ANKHD1: variants seen among roughly 807,000 people sequenced by gnomAD.
ANKHD1 encodes the protein ankyrin repeat and KH domain-containing protein 1.
A neutral mutation model predicts 230.5 loss-of-function variants in ANKHD1; 31 were observed. The observed-to-expected ratio is 0.13, with a 90% CI of 0.10 to 0.18. The LOEUF (loss-of-function observed/expected upper bound fraction) is 0.18. ANKHD1 is among the 10% of genes least tolerant of loss of function. The pLI is 1.00. For missense variants in ANKHD1, 2,256 were observed against 3,071.3 expected (o/e 0.73, Z 6.27); for synonymous variants, 1,074 against 1,117.6 (o/e 0.96, Z 0.78).
At chr5:140,492,200 T>G (rs1054914112) in intron 14 of ANKHD1, among the ~76,000 whole-genome samples, 7 of 152,206 alleles carry the variant, frequency 4.6e-5, no homozygotes, top group Non-Finnish European at 1.0e-4. Flanking sequence ...ATAATATTCT[T>G]TAGTCACTTT....
At chr5:140,411,403 T>C (rs549178019) in intron 1 of ANKHD1, among the ~76,000 whole-genome samples, 182 of 152,332 alleles carry the variant, frequency 1.2e-3, no homozygotes, top group Middle Eastern at 6.8e-3. Flanking sequence ...TAACTTTCTT[T>C]TGATGCATTA....
Position 140,436,287 on chromosome 5 carries a change from T to C in ANKHD1, c.460+30T>C, listed in dbSNP as rs1251995518. 6 of 1,496,630 alleles carry C rather than the reference T, an allele frequency of 4.0e-6. No individual in the cohort carries two copies. The South Asian group carries it at 5.6e-5, about 14-fold the overall frequency. The allele number at this position is 1,496,630 out of a possible 1,614,324, so 92.7% of individuals were successfully genotyped here. A position where few individuals can be genotyped will look rare whatever the true frequency, so the allele number is the denominator to read the frequency against. On this transcript the variant is annotated intron_variant, in intron 2 of 33. Transcript: ENST00000360839. ...TTTATTTTTTGTTTTATCTTTTTCA[T>C]ATCTTTAAAAGTCTAGATCTCTTTA...
In ANKHD1 at chr5:140,459,270, T is replaced by C. The variant is rs1253513801; in HGVS notation, c.1587T>C (p.Ala529=). 1 of 1,603,878 alleles carries C rather than the reference T, an allele frequency of 6.2e-7. No individual in the cohort carries two copies. The highest frequency in any genetic ancestry group is 1.1e-5 in the South Asian group (1 of 90,134). ...EVADFLIKAG[A]DIELGCSTPL... Reference sequence around the variant, plus strand: ...CAGACTTTCTTATTAAGGCAGGGGCTGATATAGAACTTGGCTGCTCCACAC... The same window carrying C: ...CAGACTTTCTTATTAAGGCAGGGGCCGATATAGAACTTGGCTGCTCCACAC... The change falls in exon 9 of 34, where the codon GCT becomes GCC. Residue 529 remains alanine (A), a synonymous_variant. Coordinates refer to ENST00000360839, the MANE Select transcript of ANKHD1 (RefSeq NM_017747.3).
At chr5:140,452,527 A>G (rs1388004580) in intron 7 of ANKHD1, among the ~76,000 whole-genome samples, 1 of 152,190 alleles carries the variant, frequency 6.6e-6, no homozygotes, top group Non-Finnish European at 1.5e-5. Context: ...CGAAGCTTCC[A>G]GAGGAACGAT....
chr5:140,524,951 A>G, intron 25 of ANKHD1: 2 of 357,722 alleles, frequency 5.6e-6, no homozygotes, highest in Non-Finnish European at 1.1e-5. Flanking sequence ...AAAAAAAAAA[A>G]ATTACAAAAT....
Position 140,535,410 on chromosome 5 carries a change from C to A in ANKHD1, c.6899C>A (p.Ala2300Asp), listed in dbSNP as rs775012063. The change falls in exon 30 of 34, where the codon GCT (alanine) becomes GAT (aspartate). Residue 2300 changes from alanine (A) to aspartate (D), a missense_variant. Around this residue, in one of 13 missense-constraint regions of ANKHD1, gnomAD observed 778 missense variants for 966.5 expected, o/e 0.80. Transcript: ENST00000360839. Reference sequence around the variant, plus strand: ...GGCAGCTCCCCATCTTCCTCTTCTGCTCCTCTGGCAAGTTTTTCCGGCATA... The same window carrying A: ...GGCAGCTCCCCATCTTCCTCTTCTGATCCTCTGGCAAGTTTTTCCGGCATA... ...PSGSSPSSSS[A>D]PLASFSGIPG... The A allele has an allele frequency of 6.2e-7, 1 of 1,613,564 alleles. No homozygotes were observed. Among genetic ancestry groups the A allele is most frequent in the Admixed American group, 1.7e-5 (1 of 59,902 alleles).
chr5:140,515,125 A>G (rs1470509283), intron 24 of ANKHD1, among the ~76,000 whole-genome samples: 1 of 151,946 alleles, frequency 6.6e-6, no homozygotes, highest in African/African-American at 2.4e-5. Context: ...TAAAAATACA[A>G]ATATTAGCTG....
chr5:140,529,863 CA>C lies in ANKHD1; in HGVS notation c.6850+74del, dbSNP rs1479765800. Reference sequence around the variant, plus strand: ...ATGGCCTAATCTCACCTTAAGTGGACAAAAAAAGTAGCAAGAGGTAAATCAG... The same window carrying C: ...ATGGCCTAATCTCACCTTAAGTGGACAAAAAAGTAGCAAGAGGTAAATCAG... On this transcript the variant is annotated intron_variant, in intron 29 of 33. Coordinates refer to ENST00000360839, the MANE Select transcript of ANKHD1 (RefSeq NM_017747.3). The C allele has an allele frequency of 5.8e-6, 9 of 1,545,530 alleles. No individual in the cohort carries two copies. The African/African-American group carries it at 9.7e-5, about 17-fold the overall frequency.
At chr5:140,416,633 C>T in intron 1 of ANKHD1, among the ~76,000 whole-genome samples, 1 of 152,112 alleles carries the variant, frequency 6.6e-6, no homozygotes, top group East Asian at 1.9e-4. Flanking sequence ...ATTAGTCTTT[C>T]AAATTTGTTC....
In ANKHD1 at chr5:140,459,274, A is replaced by C. The variant is rs749277304; in HGVS notation, c.1591A>C (p.Ile531Leu). The C allele has an allele frequency of 6.2e-7, 1 of 1,603,446 alleles. No homozygotes were observed. The highest frequency in any genetic ancestry group is 8.5e-7 in the Non-Finnish European group (1 of 1,172,606). The change falls in exon 9 of 34, where the codon ATA becomes CTA. Residue 531 changes from isoleucine to leucine, a missense_variant. Physicochemically the swap from Ile to Leu is conservative, Grantham distance 5. Transcript: ENST00000360839. ...ADFLIKAGADIELGCSTPLME... is the reference protein window; with the variant it reads ...ADFLIKAGADLELGCSTPLME... ...CTTTCTTATTAAGGCAGGGGCTGATATAGAACTTGGCTGCTCCACACCTCT... is the reference window on the plus strand; with the variant it reads ...CTTTCTTATTAAGGCAGGGGCTGATCTAGAACTTGGCTGCTCCACACCTCT...
At chr5:140,529,833 C>T (rs780425399) in intron 29 of ANKHD1, 37 bp downstream of exon 29, 4 of 1,600,196 alleles carry the variant, frequency 2.5e-6, no homozygotes, top group Non-Finnish European at 3.4e-6. Flanking sequence ...GAGTTTGGAG[C>T]TCCTATGGCC....
chr5:140,455,121 T>G (rs528531363), intron 7 of ANKHD1, among the ~76,000 whole-genome samples: 16 of 152,124 alleles, frequency 1.1e-4, no homozygotes, highest in South Asian at 6.2e-4. Context: ...TAGAAGAAAT[T>G]GATAAATTCC....
At chr5:140,479,449 A>G (rs188622284) in intron 10 of ANKHD1, among the ~76,000 whole-genome samples, 1 of 152,258 alleles carries the variant, frequency 6.6e-6, no homozygotes. Context: ...CTAAAATTTT[A>G]TTAGTATTGA....
intron 1 of ANKHD1, among the ~76,000 whole-genome samples, chr5:140,425,214 C>A (rs1203760427): frequency 1.3e-5 from 2 of 152,140 alleles, no homozygotes; most frequent in African/African-American, 4.8e-5. Flanking sequence ...TTTTGTGCTA[C>A]ATGAAGCTAA....
At chr5:140,534,870 C>T (rs1201117016) in intron 29 of ANKHD1, among the ~76,000 whole-genome samples, 1 of 152,256 alleles carries the variant, frequency 6.6e-6, no homozygotes, top group East Asian at 1.9e-4. Context: ...TGAAATTATC[C>T]TCAGTAGTAG....
At chr5:140,426,500 TTTTATTTATTTA>T (rs3084523) in intron 1 of ANKHD1, among the ~76,000 whole-genome samples, 4 of 151,796 alleles carry the variant, frequency 2.6e-5, no homozygotes, top group East Asian at 1.9e-4. Context: ...CCTTGAACTT[TTTTATTTATTTA>T]TTTATTTATT....
chr5:140,409,780 C>T (rs1770776860), intron 1 of ANKHD1, among the ~76,000 whole-genome samples: 1 of 152,018 alleles, frequency 6.6e-6, no homozygotes, highest in African/African-American at 2.4e-5. Flanking sequence ...TCTCGGTCTC[C>T]TGACCTTGTG....
Position 140,415,628 on chromosome 5 carries a change from G to A in ANKHD1, c.306+13355G>A, listed in dbSNP as rs552839819. On this transcript the variant is annotated intron_variant, in intron 1 of 33. Transcript: ENST00000360839. ...TAATTTTTGTATTTTTAGTAGATAG[G>A]GGGTTTGCCATGTTGGCCAGGCTGG... 2.5e-3 allele frequency among the ~76,000 whole-genome samples: 372 copies of A among 151,302 alleles called. 1 individual carries two copies. The highest frequency in any genetic ancestry group is 4.0e-3 in the Non-Finnish European group (268 of 67,778).
At chr5:140,427,885 G>A (rs1305923432) in intron 1 of ANKHD1, among the ~76,000 whole-genome samples, 2 of 151,718 alleles carry the variant, frequency 1.3e-5, no homozygotes, top group African/African-American at 2.4e-5. Context: ...CAGACGGGGC[G>A]GCTGCCAGGT....
Sources: allele counts gnomAD v4.1 joint callset (sites outside exome capture counted in the v4.1 genomes callset), GRCh38; gene constraint gnomAD v4.1.1; regional missense constraint gnomAD v4.1.1; transcripts MANE v1.5; gene names NCBI Gene and HGNC (gene_info 2026-07-23, HGNC 2026-07-21).